GNA12: variants seen among roughly 807,000 people sequenced by gnomAD.
GNA12 encodes the protein G protein subunit alpha 12, also known as guanine nucleotide-binding protein subunit alpha-12.
A neutral mutation model predicts 26.0 loss-of-function variants in GNA12; 9 were observed. The ratio of observed to expected loss-of-function variants is 0.35; its 90% CI spans 0.21 to 0.60. The LOEUF is 0.60. Among genes scored for constraint, GNA12 ranks in the 20% least tolerant of loss-of-function variants. The pLI is 0.78. For synonymous variants in GNA12, 264 were observed against 219.6 expected, an observed-to-expected ratio of 1.20 and a Z score of -1.79; for missense variants, 405 against 525.8, an observed-to-expected ratio of 0.77 and a Z score of 2.25.
intron 1 of GNA12, among the ~76,000 whole-genome samples, chr7:2,829,467 C>CT (rs1230138358): frequency 6.6e-6 from 1 of 152,162 alleles, no homozygotes; most frequent in African/African-American, 2.4e-5. Context: ...CATTACTATT[C>CT]AGTTCCTTCC....
intron 2 of GNA12, among the ~76,000 whole-genome samples, chr7:2,761,867 G>A (rs1265096409): frequency 6.6e-6 from 1 of 152,166 alleles, no homozygotes; most frequent in Non-Finnish European, 1.5e-5. Context: ...AGGTCACAAC[G>A]TAAAATTCGG....
intron 2 of GNA12, among the ~76,000 whole-genome samples, chr7:2,783,641 C>A (rs1792284696): frequency 7.1e-6 from 1 of 140,380 alleles, no homozygotes; most frequent in South Asian, 2.3e-4. Flanking sequence ...TGCTTAGAGG[C>A]TGTAACACAT....
rs571970530 is a variant in GNA12, at chr7:2,753,931, C to T, written c.526-20430G>A. ...GGGAGAGCTCATGTATGGGTTAATCCGACCACGAGCTCTGTAGGTCCGGCG... is the reference window on the plus strand; with the variant it reads ...GGGAGAGCTCATGTATGGGTTAATCTGACCACGAGCTCTGTAGGTCCGGCG... On this transcript the variant is annotated intron_variant, in intron 2 of 3. Transcript: ENST00000275364. 4.6e-5 allele frequency among the ~76,000 whole-genome samples: 7 copies of T among 152,186 alleles called. No individual in the cohort carries two copies. The South Asian group carries it at 1.2e-3, about 27-fold the overall frequency.
chr7:2,777,276 A>G (rs1792101088), intron 2 of GNA12, among the ~76,000 whole-genome samples: 1 of 152,260 alleles, frequency 6.6e-6, no homozygotes, highest in African/African-American at 2.4e-5. Context: ...TAAATGGGCC[A>G]TATGATAGAA....
chr7:2,791,766 G>C (rs927744712), intron 2 of GNA12, among the ~76,000 whole-genome samples: 1 of 152,170 alleles, frequency 6.6e-6, no homozygotes, highest in Admixed American at 6.5e-5. Context: ...GACTTCAGAT[G>C]GGTATGGTCT....
rs372883398 is a variant in GNA12 at position 2,843,871 on chromosome 7, G to A, written c.291C>T (p.Ile97=). The A allele has an allele frequency of 4.3e-5, 66 of 1,545,386 alleles. No homozygotes were observed. In the African/African-American group the frequency reaches 8.9e-4, roughly 21 times the overall value. ...GCGTCACCTTGAGGATGTTGTCGAAGATGGTGTCGCGGAACTCCAGCAGCG... is the reference window on the plus strand; with the variant it reads ...GCGTCACCTTGAGGATGTTGTCGAAAATGGTGTCGCGGAACTCCAGCAGCG... ...QKALLEFRDT[I]FDNILKGSRV... is the part of the protein sequence containing the mutation. Residue 97 remains isoleucine (I), a synonymous_variant, in exon 1 of 4, where the codon ATC becomes ATT. Transcript: ENST00000275364.
chr7:2,837,704 A>G (rs1778877318), intron 1 of GNA12, among the ~76,000 whole-genome samples: 1 of 152,214 alleles, frequency 6.6e-6, no homozygotes, highest in Non-Finnish European at 1.5e-5. Flanking sequence ...GCATTCTTGG[A>G]CAAAGGAAAG....
At chr7:2,742,058 G>A (rs965933827) in intron 2 of GNA12, among the ~76,000 whole-genome samples, 6 of 151,768 alleles carry the variant, frequency 4.0e-5, no homozygotes, top group Non-Finnish European at 7.4e-5. Flanking sequence ...GTCTCACCCT[G>A]TTGCCCAGGC....
chr7:2,756,329 T>G (rs139454163), intron 2 of GNA12, among the ~76,000 whole-genome samples: 33 of 152,336 alleles, frequency 2.2e-4, no homozygotes, highest in Middle Eastern at 3.4e-3. Context: ...ATAAATCTAA[T>G]TCAAACTGGA....
At position 2,785,104 on chromosome 7, in the gene GNA12, A is replaced by G. The variant is rs1583279256; in HGVS notation, c.525+9824T>C. 2.0e-5 allele frequency among the ~76,000 whole-genome samples: 3 copies of G among 152,212 alleles called. No homozygotes were observed. The South Asian group carries it at 6.2e-4, about 31-fold the overall frequency. On this transcript the variant is annotated intron_variant, in intron 2 of 3. Transcript: ENST00000275364. ...AATGAAATGAAGGGGAAAGGCCAAC[A>G]TCACAGGCAGAAACACATTAAGTTT...
At chr7:2,815,956 G>A (rs1793208726) in intron 1 of GNA12, among the ~76,000 whole-genome samples, 2 of 152,240 alleles carry the variant, frequency 1.3e-5, no homozygotes, top group Admixed American at 1.3e-4. Context: ...TCCATGAGAA[G>A]CAATGGTTGA....
intron 2 of GNA12, among the ~76,000 whole-genome samples, chr7:2,742,343 T>C (rs1790549793): frequency 6.6e-6 from 1 of 152,168 alleles, no homozygotes; most frequent in East Asian, 1.9e-4. Flanking sequence ...AGAAGAGGGC[T>C]GCCTCCCACG....
intron 2 of GNA12, among the ~76,000 whole-genome samples, chr7:2,754,707 C>G (rs906307836): frequency 6.6e-6 from 1 of 152,128 alleles, no homozygotes; most frequent in African/African-American, 2.4e-5. Flanking sequence ...TATGATCACA[C>G]CACTACACTC....
intron 2 of GNA12, among the ~76,000 whole-genome samples, chr7:2,778,071 C>A (rs2115430922): frequency 6.6e-6 from 1 of 152,352 alleles, no homozygotes; most frequent in African/African-American, 2.4e-5. Flanking sequence ...ACACGAGCTA[C>A]ACTATGCCGC....
At chr7:2,782,629 G>A (rs142764356) in intron 2 of GNA12, among the ~76,000 whole-genome samples, 21 of 151,770 alleles carry the variant, frequency 1.4e-4, no homozygotes, top group African/African-American at 4.8e-4. Context: ...TTGGTTTTCT[G>A]CAGTTTTATT....
At position 2,835,864 on chromosome 7, in the gene GNA12, G is replaced by T. The variant is rs563286302; in HGVS notation, c.309+7989C>A. 7.1e-5 allele frequency: 42 copies of T among 592,398 alleles called. 1 individual carries two copies. The highest frequency in any genetic ancestry group is 5.9e-4 in the South Asian group (36 of 61,426). The allele number at this position is 592,398 out of a possible 1,614,324, so 36.7% of individuals were successfully genotyped here. A position where few individuals can be genotyped will look rare whatever the true frequency, so the allele number is the denominator to read the frequency against. On this transcript the variant is annotated intron_variant, in intron 1 of 3. Coordinates refer to ENST00000275364, the MANE Select transcript of GNA12 (RefSeq NM_007353.3). ...TGTCTTCATTAGCCATTCTCAAGAA[G>T]AAACACAGGAAATGTTAGAAGCAGC...
intron 2 of GNA12, among the ~76,000 whole-genome samples, chr7:2,769,889 G>A (rs911429736): frequency 6.6e-6 from 1 of 152,056 alleles, no homozygotes; most frequent in Non-Finnish European, 1.5e-5. Flanking sequence ...ATTTTTTTCT[G>A]AATTTGATGG....
intron 2 of GNA12, among the ~76,000 whole-genome samples, chr7:2,752,523 C>T (rs951698903): frequency 3.7e-4 from 56 of 152,124 alleles, no homozygotes; most frequent in South Asian, 2.1e-4. Context: ...ATCTGCAGAT[C>T]GCCTAACTGT....
At chr7:2,793,968 A>G (rs1792585990) in intron 2 of GNA12, among the ~76,000 whole-genome samples, 1 of 152,150 alleles carries the variant, frequency 6.6e-6, no homozygotes, top group East Asian at 1.9e-4. Flanking sequence ...GAAAGAAGGA[A>G]TGGATCCTAG....
Sources: gnomAD v4.1 joint callset for allele counts (sites outside exome capture counted in the v4.1 genomes callset) on GRCh38, gnomAD v4.1.1 for gene constraint, MANE v1.5 for transcripts, NCBI Gene and HGNC (gene_info 2026-07-23, HGNC 2026-07-21) for gene names.